FANCC: variants seen among roughly 807,000 people sequenced by gnomAD.
FANCC encodes Fanconi anemia group C protein.
Under a neutral mutation model 71.3 loss-of-function variants are expected in FANCC, and 55 were observed. That is an observed-to-expected ratio of 0.77 (90% CI 0.62 to 0.97). The LOEUF is 0.97. Ranked by LOEUF, FANCC falls within the 50% of genes least tolerant of loss-of-function variation. The probability of loss-of-function intolerance (pLI) is 0.00; values close to 1 mark genes in which losing one functional copy is unlikely to be tolerated. For missense variants in FANCC, 678 were observed against 670.9 expected (o/e 1.01, Z -0.12); for synonymous variants, 275 against 244.9 (o/e 1.12, Z -1.15).
At chr9:95,172,954 TAAC>T (rs1825776119) in intron 4 of FANCC, among the ~76,000 whole-genome samples, 1 of 152,120 alleles carries the variant, frequency 6.6e-6, no homozygotes, top group South Asian at 2.1e-4. Context: ...AGAAGAATGT[TAAC>T]AACAAACAGT....
chr9:95,268,202 G>T (rs1443582989), intron 1 of FANCC, among the ~76,000 whole-genome samples: 1 of 152,222 alleles, frequency 6.6e-6, no homozygotes, highest in Admixed American at 6.5e-5. Context: ...TCAGGCAACA[G>T]ATTTGTCCTC....
chr9:95,144,563 G>C (rs921621519), intron 7 of FANCC, among the ~76,000 whole-genome samples: 1 of 152,164 alleles, frequency 6.6e-6, no homozygotes, highest in African/African-American at 2.4e-5. Flanking sequence ...TTTCACAGAA[G>C]ACCAGGAGTA....
chr9:95,111,895 C>T (rs774382620), intron 12 of FANCC, among the ~76,000 whole-genome samples: 3 of 152,228 alleles, frequency 2.0e-5, no homozygotes, highest in East Asian at 3.9e-4. Flanking sequence ...AATCCAGGTA[C>T]GTTCAGTGAG....
At chr9:95,144,198 T>G (rs867924123) in intron 7 of FANCC, among the ~76,000 whole-genome samples, 1 of 152,234 alleles carries the variant, frequency 6.6e-6, no homozygotes, top group Non-Finnish European at 1.5e-5. Flanking sequence ...TGTGTCAACA[T>G]GTGGCTGGGA....
chr9:95,134,397 G>C (rs1233376519), intron 8 of FANCC, among the ~76,000 whole-genome samples: 1 of 152,140 alleles, frequency 6.6e-6, no homozygotes, highest in Non-Finnish European at 1.5e-5. Context: ...AAGGGCGAGG[G>C]TGAACACTCC....
chr9:95,248,351 G>A (rs980201279), intron 2 of FANCC, among the ~76,000 whole-genome samples: 1 of 151,982 alleles, frequency 6.6e-6, no homozygotes, highest in Non-Finnish European at 1.5e-5. Flanking sequence ...GTCAAGTTAC[G>A]TATGTCTCAT....
intron 4 of FANCC, among the ~76,000 whole-genome samples, chr9:95,190,311 G>A (rs1051832723): frequency 1.3e-5 from 2 of 152,008 alleles, no homozygotes; most frequent in Non-Finnish European, 2.9e-5. Context: ...CGTCATTGCT[G>A]GATTTCTCAT....
intron 1 of FANCC, among the ~76,000 whole-genome samples, chr9:95,251,338 C>T (rs72752340): frequency 2.7e-4 from 41 of 152,024 alleles, no homozygotes; most frequent in Non-Finnish European, 5.3e-4. Context: ...TTTTTTTAGA[C>T]GAAGTCTCAC....
chr9:95,147,816 G>C (rs1290290220), intron 7 of FANCC, among the ~76,000 whole-genome samples: 2 of 152,146 alleles, frequency 1.3e-5, no homozygotes, highest in Admixed American at 6.5e-5. Context: ...ATGTCACCAA[G>C]AGAACTGTAC....
intron 1 of FANCC, among the ~76,000 whole-genome samples, chr9:95,255,054 A>C (rs1831575860): frequency 6.6e-6 from 1 of 152,190 alleles, no homozygotes; most frequent in Admixed American, 6.5e-5. Flanking sequence ...CAGCAGCCCC[A>C]GTCAGTAGCT....
At chr9:95,171,209 C>T (rs2135581092) in intron 5 of FANCC, 66 bp from the exon 6 acceptor site, 1 of 1,263,106 alleles carries the variant, frequency 7.9e-7, no homozygotes, top group Non-Finnish European at 1.2e-6. Context: ...TTCTATTTTT[C>T]TTGGTGTGAG....
intron 1 of FANCC, among the ~76,000 whole-genome samples, chr9:95,271,517 G>C (rs1243941635): frequency 1.3e-5 from 2 of 152,190 alleles, no homozygotes; most frequent in Non-Finnish European, 2.9e-5. Context: ...CCAGAAGTGA[G>C]AGGAAGGTGT....
At chr9:95,234,228 T>A (rs1830169571) in intron 4 of FANCC, among the ~76,000 whole-genome samples, 1 of 152,228 alleles carries the variant, frequency 6.6e-6, no homozygotes, top group Non-Finnish European at 1.5e-5. Flanking sequence ...TTCAAAGTTA[T>A]CAGGAAGATT....
At chr9:95,240,528 T>C (rs1011018348) in intron 4 of FANCC, 121 bp downstream of exon 4, 2 of 694,776 alleles carry the variant, frequency 2.9e-6, no homozygotes, top group Non-Finnish European at 5.2e-6. Flanking sequence ...AAGGGTATGT[T>C]TGAAAAAGTT....
chr9:95,217,998 G>C (rs1828983722), intron 4 of FANCC, among the ~76,000 whole-genome samples: 1 of 152,128 alleles, frequency 6.6e-6, no homozygotes, highest in Non-Finnish European at 1.5e-5. Context: ...AGATGGAATA[G>C]GTAATTCTTT....
chr9:95,155,345 G>GGGAC (rs1221887003), intron 6 of FANCC, among the ~76,000 whole-genome samples: 1 of 81,674 alleles, frequency 1.2e-5, no homozygotes, highest in Non-Finnish European at 2.6e-5. Context: ...AAGGGAGGAA[G>GGGAC]GGAGGGAGGG....
At chr9:95,208,600 G>A (rs1459852570) in intron 4 of FANCC, among the ~76,000 whole-genome samples, 2 of 152,104 alleles carry the variant, frequency 1.3e-5, no homozygotes, top group African/African-American at 4.8e-5. Context: ...TGGACACCTC[G>A]TCAAAGAAGA....
intron 1 of FANCC, among the ~76,000 whole-genome samples, chr9:95,312,167 G>A (rs549980642): frequency 3.0e-4 from 45 of 152,278 alleles, no homozygotes; most frequent in African/African-American, 9.9e-4. Context: ...CGTGTCTTTC[G>A]TCATGTGGAA....
intron 1 of FANCC, among the ~76,000 whole-genome samples, chr9:95,270,777 T>G (rs1832670517): frequency 6.6e-6 from 1 of 152,226 alleles, no homozygotes; most frequent in South Asian, 2.1e-4. Context: ...TCCATTGGAT[T>G]TTTTTAAAAC....
Sources: gnomAD v4.1 joint callset for allele counts (sites outside exome capture counted in the v4.1 genomes callset) on GRCh38, gnomAD v4.1.1 for gene constraint, MANE v1.5 for transcripts, NCBI Gene and HGNC (gene_info 2026-07-23, HGNC 2026-07-21) for gene names.